Variants in CLCN6 observed in about 807,000 individuals in gnomAD.
The protein encoded by CLCN6 is H(+)/Cl(-) exchange transporter 6.
Under a neutral mutation model 109.8 loss-of-function variants are expected in CLCN6, and 70 were observed. The observed-to-expected ratio is 0.64, with a 90% CI of 0.53 to 0.78. The LOEUF (loss-of-function observed/expected upper bound fraction) is 0.78, where lower values mean the gene tolerates loss of function less well. Ranked by LOEUF, CLCN6 falls within the 30% of genes least tolerant of loss-of-function variation. The probability of loss-of-function intolerance (pLI) is 0.00; values close to 1 mark genes in which losing one functional copy is unlikely to be tolerated. For synonymous variants in CLCN6, 444 were observed against 447.8 expected (o/e 0.99, Z 0.11); for missense variants, 984 against 1,142.3 (o/e 0.86, Z 2.00).
intron 6 of CLCN6, 55 bp downstream of exon 6, chr1:11,822,856 C>T (rs1431732299): frequency 7.4e-6 from 8 of 1,076,444 alleles, no homozygotes; most frequent in Non-Finnish European, 1.2e-5. Context: ...TCCCGCACTC[C>T]TTTTCCCCAC....
At chr1:11,828,747 G>A in intron 12 of CLCN6, 123 bp downstream of exon 12, 2 of 1,064,994 alleles carry the variant, frequency 1.9e-6, no homozygotes, top group Non-Finnish European at 2.7e-6. Context: ...CTAAGACTGA[G>A]AATCTAAACA....
At chr1:11,826,762 A>G (rs1644816750) in intron 9 of CLCN6, among the ~76,000 whole-genome samples, 1 of 152,176 alleles carries the variant, frequency 6.6e-6, no homozygotes, top group Admixed American at 6.5e-5. Flanking sequence ...ATCCGGTGGG[A>G]ACATGGTGCA....
intron 20 of CLCN6, 151 bp downstream of exon 20, chr1:11,837,650 C>T (rs923502111): frequency 3.8e-5 from 29 of 753,662 alleles, no homozygotes; most frequent in Non-Finnish European, 5.5e-5. Flanking sequence ...TCGCCACAGC[C>T]GGGTGGTGAG....
chr1:11,821,715 A>G (rs989882751), intron 5 of CLCN6, among the ~76,000 whole-genome samples: 1 of 152,246 alleles, frequency 6.6e-6, no homozygotes, highest in African/African-American at 2.4e-5. Flanking sequence ...CCTGTGACTC[A>G]TACATTCCTC....
At chr1:11,817,236 G>T (rs545730645) in intron 4 of CLCN6, among the ~76,000 whole-genome samples, 1 of 152,148 alleles carries the variant, frequency 6.6e-6, no homozygotes, top group African/African-American at 2.4e-5. Flanking sequence ...AGGACTCTAG[G>T]CAGGCATGAG....
Position 11,841,170 on chromosome 1 carries a change from T to C in CLCN6, c.*947T>C, listed in dbSNP as rs1421061036. ...GAATGCTACCATTTTTTTTCCAAAG[T>C]AGAAAGGAAGCACTTCTGAGCCAGT... On this transcript the variant is annotated 3_prime_UTR_variant, in exon 23 of 23. Coordinates refer to ENST00000346436, the MANE Select transcript of CLCN6 (RefSeq NM_001286.5). The C allele has an allele frequency of 2.6e-5, 4 of 152,558 alleles. No individual in the cohort carries two copies. The highest frequency in any genetic ancestry group is 1.5e-5 in the Non-Finnish European group (1 of 68,018). The allele number at this position is 152,558 out of a possible 1,614,324, so 9.5% of individuals were successfully genotyped here.
intron 17 of CLCN6, among the ~76,000 whole-genome samples, chr1:11,835,144 T>G (rs1037730907): frequency 6.6e-6 from 1 of 152,194 alleles, no homozygotes; most frequent in Non-Finnish European, 1.5e-5. Context: ...GGCTGTATGG[T>G]CTCTGTCACG....
In CLCN6 at chr1:11,826,314, G is replaced by A. The variant is rs113253476; in HGVS notation, c.707+100G>A. 7.2e-3 allele frequency: 7,001 copies of A among 974,092 alleles called. 270 individuals carry two copies. The African/African-American group carries it at 0.095, about 13-fold the overall frequency. 60.3% of individuals were successfully genotyped at this position (974,092 alleles called of 1,614,324 possible). On this transcript the variant is annotated intron_variant, in intron 9 of 22. Transcript: ENST00000346436. ...GCTCTAGCCTGGCAGTATCCCCTGCGGGGAAACCCGACTGGGAGAAGGGGG... is the reference window on the plus strand; with the variant it reads ...GCTCTAGCCTGGCAGTATCCCCTGCAGGGAAACCCGACTGGGAGAAGGGGG...
rs1342461417 is a variant in CLCN6, at chr1:11,824,526, T to C, written c.621T>C (p.Gly207=). 1 of 1,613,538 alleles carries C rather than the reference T, an allele frequency of 6.2e-7. No individual in the cohort carries two copies. Among genetic ancestry groups the C allele is most frequent in the East Asian group, 2.2e-5 (1 of 44,834 alleles). ...VEKEGPMIHS[G]SVVGAGLPQF... is the part of the protein sequence containing the mutation. ...AGGAAGGCCCCATGATCCACAGTGG[T>C]TCGGTGGTGGGAGCTGGCCTCCCTC... Residue 207 remains glycine (G), a synonymous_variant, in exon 8 of 23, where the codon GGT becomes GGC. Transcript: ENST00000346436.
In CLCN6 at chr1:11,828,650, G is replaced by C. The variant is rs202014052; in HGVS notation, c.1121+26G>C. ...GTATCTGCACAGTCGCCTCCCCCCC[G>C]AGCCTGCTGCGGCTCCCTGAGCTTG... On this transcript the variant is annotated intron_variant, in intron 12 of 22. Transcript: ENST00000346436. 7.2e-4 allele frequency: 1,124 copies of C among 1,571,706 alleles called. 13 individuals are homozygous for C. In the African/African-American group the frequency reaches 0.014, roughly 20 times the overall value.
rs759622308 is a variant in CLCN6, at chr1:11,823,737, G to A, written c.484G>A (p.Val162Ile). 1.3e-5 allele frequency: 21 copies of A among 1,614,156 alleles called. No homozygotes were observed. The highest frequency in any genetic ancestry group is 1.6e-4 in the Middle Eastern group (1 of 6,082). Residue 162 changes from valine (V) to isoleucine (I), a missense_variant, in exon 7 of 23, where the codon GTC becomes ATC. By Grantham distance (29) the Val-to-Ile change is conservative (BLOSUM62 3). Coordinates refer to ENST00000346436, the MANE Select transcript of CLCN6 (RefSeq NM_001286.5). ...PVAAGSGIPEVKCYLNGVKVP... is the reference protein window; with the variant it reads ...PVAAGSGIPEIKCYLNGVKVP... Reference sequence around the variant, plus strand: ...GGCAGCAGGTTCCGGGATACCCGAGGTCAAATGCTATCTGAATGGCGTAAA... The same window carrying A: ...GGCAGCAGGTTCCGGGATACCCGAGATCAAATGCTATCTGAATGGCGTAAA...
chr1:11,827,331 A>C, intron 10 of CLCN6, 110 bp downstream of exon 10: 1 of 1,135,944 alleles, frequency 8.8e-7, no homozygotes, highest in South Asian at 1.7e-5. Context: ...GGTCAACTGG[A>C]TCAGAAACAG....
chr1:11,835,555 G>C (rs1052779812), intron 17 of CLCN6, among the ~76,000 whole-genome samples: 1 of 152,158 alleles, frequency 6.6e-6, no homozygotes, highest in Non-Finnish European at 1.5e-5. Context: ...GATTACATGC[G>C]TGAGCCGCTG....
chr1:11,819,558 T>C lies in CLCN6; in HGVS notation c.346+4T>C. 6.2e-7 allele frequency: 1 copy of C among 1,613,964 alleles called. No individual in the cohort carries two copies. Among genetic ancestry groups the C allele is most frequent in the Non-Finnish European group, 8.5e-7 (1 of 1,179,838 alleles). ...AAGTTCGGAGTGGTACAGACATGTATCCTTTTCACGGTTCCTGGTGTTCGT... is the reference window on the plus strand; with the variant it reads ...AAGTTCGGAGTGGTACAGACATGTACCCTTTTCACGGTTCCTGGTGTTCGT... On this transcript the variant is annotated splice_donor_region_variant and intron_variant, in intron 5 of 22. Transcript: ENST00000346436.
chr1:11,836,806 A>T (rs1379868127), intron 18 of CLCN6, among the ~76,000 whole-genome samples, 193 bp from the exon 19 acceptor site: 1 of 152,184 alleles, frequency 6.6e-6, no homozygotes, highest in African/African-American at 2.4e-5. Flanking sequence ...AAACCACAGA[A>T]GCTGCAGCCA....
chr1:11,811,238 G>A (rs189775956), intron 2 of CLCN6, among the ~76,000 whole-genome samples: 30 of 152,174 alleles, frequency 2.0e-4, no homozygotes, highest in East Asian at 5.8e-4. Flanking sequence ...GTGTTCTAGC[G>A]TTGCGGTTGT....
At chr1:11,833,168 TC>T (rs1644901454) in intron 13 of CLCN6, among the ~76,000 whole-genome samples, 1 of 151,962 alleles carries the variant, frequency 6.6e-6, no homozygotes, top group African/African-American at 2.4e-5. Context: ...TGCCTCATAT[TC>T]CCCCAGTCCT....
chr1:11,839,997 C>T, intron 22 of CLCN6, 146 bp from the exon 23 acceptor site: 1 of 708,662 alleles, frequency 1.4e-6, no homozygotes, highest in Non-Finnish European at 2.5e-6. Flanking sequence ...CCCTCGTTAG[C>T]TGTTTATCCC....
intron 1 of CLCN6, 146 bp from the exon 2 acceptor site, chr1:11,806,985 C>T: frequency 1.5e-6 from 1 of 678,536 alleles, no homozygotes; most frequent in Non-Finnish European, 2.6e-6. Context: ...GTCCCTCACC[C>T]CTGAAAGGTT....
Sources: gnomAD v4.1 joint callset for allele counts (sites outside exome capture counted in the v4.1 genomes callset) on GRCh38, gnomAD v4.1.1 for gene constraint, MANE v1.5 for transcripts, NCBI Gene and HGNC (gene_info 2026-07-23, HGNC 2026-07-21) for gene names.